Variants in SORCS1 observed in about 807,000 individuals in gnomAD.
The protein encoded by SORCS1 is VPS10 domain-containing receptor SorCS1.
A neutral mutation model predicts 146.1 loss-of-function variants in SORCS1; 60 were observed. The observed-to-expected ratio is 0.41, with a 90% CI of 0.33 to 0.51. The LOEUF is 0.51. Among genes scored for constraint, SORCS1 ranks in the 20% least tolerant of loss-of-function variants. The probability of loss-of-function intolerance (pLI) is 0.21; values close to 1 mark genes in which losing one functional copy is unlikely to be tolerated. For synonymous variants in SORCS1, 637 were observed against 584.0 expected (o/e 1.09, Z -1.31); for missense variants, 1,352 against 1,487.6 (o/e 0.91, Z 1.50).
At chr10:106,580,519 A>G (rs1844841672) in intron 24 of SORCS1, among the ~76,000 whole-genome samples, 1 of 152,142 alleles carries the variant, frequency 6.6e-6, no homozygotes, top group South Asian at 2.1e-4. Context: ...GCTCGTGCAT[A>G]AAAGACAAGC....
chr10:106,635,714 T>C (rs2133624510), intron 18 of SORCS1, among the ~76,000 whole-genome samples: 1 of 152,302 alleles, frequency 6.6e-6, no homozygotes, highest in Non-Finnish European at 1.5e-5. Flanking sequence ...ACATTGGAAA[T>C]AATCAATGTA....
chr10:107,038,112 T>A (rs929018472), intron 1 of SORCS1, among the ~76,000 whole-genome samples: 1 of 152,198 alleles, frequency 6.6e-6, no homozygotes, highest in Non-Finnish European at 1.5e-5. Context: ...CGTGAGCCAC[T>A]GCACCCGGCC....
At chr10:106,798,174 T>A (rs1946674915) in intron 3 of SORCS1, among the ~76,000 whole-genome samples, 1 of 152,200 alleles carries the variant, frequency 6.6e-6, no homozygotes, top group Non-Finnish European at 1.5e-5. Flanking sequence ...TAAGCTCTGT[T>A]CTCTTGTCTG....
chr10:106,677,230 C>T lies in SORCS1; in HGVS notation c.1832+83G>A, dbSNP rs150676643. The T allele has an allele frequency of 1.3e-3, 1,678 of 1,279,362 alleles. 2 individuals carry two copies. The highest frequency in any genetic ancestry group is 2.8e-3 in the Middle Eastern group (15 of 5,270). 79.3% of individuals were successfully genotyped at this position (1,279,362 alleles called of 1,614,324 possible). On this transcript the variant is annotated intron_variant, in intron 13 of 25. Coordinates refer to ENST00000263054, the MANE Select transcript of SORCS1 (RefSeq NM_052918.5). The stretch of plus-strand genomic sequence containing the variant: ...AACAGATTTACTACAGAAACAGACA[C>T]GGTTTGATAGCCTGACTCCTAGACT...
intron 5 of SORCS1, among the ~76,000 whole-genome samples, chr10:106,732,108 A>C (rs781507535): frequency 6.6e-6 from 1 of 152,220 alleles, no homozygotes; most frequent in Non-Finnish European, 1.5e-5. Flanking sequence ...AGTCTCCTTA[A>C]AGCCCTGTTA....
rs1964469412 is a variant in SORCS1 at position 107,095,300 on chromosome 10, GAC to G, written c.558+68667_558+68668del. ...ATCTGTCTCATCTACAGTTGCATCA[GAC>G]ACAGAGTCAATATGAAAGGCCAAGG... is the stretch of plus-strand genomic sequence containing the variant. On this transcript the variant is annotated intron_variant, in intron 1 of 25. Transcript: ENST00000263054. Among the ~76,000 whole-genome samples the G allele has an allele frequency of 2.0e-5, 3 of 152,258 alleles. No homozygotes were observed. In the South Asian group the frequency reaches 6.2e-4, roughly 32 times the overall value.
intron 2 of SORCS1, among the ~76,000 whole-genome samples, chr10:106,948,120 T>C (rs1405906947): frequency 6.6e-6 from 1 of 152,154 alleles, no homozygotes; most frequent in Non-Finnish European, 1.5e-5. Context: ...ATAGTATACT[T>C]CTATTTTCTT....
intron 2 of SORCS1, among the ~76,000 whole-genome samples, chr10:106,837,494 G>T (rs1041973306): frequency 4.2e-4 from 63 of 151,438 alleles, no homozygotes; most frequent in African/African-American, 1.4e-3. Flanking sequence ...AGACAGTACT[G>T]CTTGACACTC....
intron 24 of SORCS1, among the ~76,000 whole-genome samples, chr10:106,589,707 A>C (rs909630866): frequency 1.4e-4 from 22 of 151,758 alleles, no homozygotes; most frequent in African/African-American, 4.8e-4. Context: ...GAAAAAAAAA[A>C]AAAAAAAAAA....
At chr10:107,020,377 T>G (rs1017219059) in intron 1 of SORCS1, among the ~76,000 whole-genome samples, 34 of 152,208 alleles carry the variant, frequency 2.2e-4, no homozygotes, top group African/African-American at 8.0e-4. Context: ...GGAATATCTG[T>G]CCTCTTCAGC....
At chr10:107,141,995 T>C (rs1052250572) in intron 1 of SORCS1, among the ~76,000 whole-genome samples, 4 of 152,208 alleles carry the variant, frequency 2.6e-5, no homozygotes, top group Admixed American at 6.5e-5. Context: ...ATCTCCTTCA[T>C]TCTAAGGAGT....
intron 22 of SORCS1, among the ~76,000 whole-genome samples, chr10:106,608,075 T>C (rs1399616050): frequency 6.6e-6 from 1 of 152,238 alleles, no homozygotes; most frequent in African/African-American, 2.4e-5. Flanking sequence ...TCTCTCTAGA[T>C]GCTTCTAGAA....
At chr10:106,597,882 T>C (rs1845998598) in intron 23 of SORCS1, among the ~76,000 whole-genome samples, 1 of 152,226 alleles carries the variant, frequency 6.6e-6, no homozygotes, top group Non-Finnish European at 1.5e-5. Flanking sequence ...ACTTTATGAA[T>C]ATTTATTGTA....
chr10:107,031,475 T>C (rs956676038), intron 1 of SORCS1, among the ~76,000 whole-genome samples: 2 of 144,256 alleles, frequency 1.4e-5, no homozygotes, highest in Admixed American at 1.3e-4. Flanking sequence ...CAAACCGCCT[T>C]GAATGACTAT....
chr10:107,168,188 C>T (rs773257326), upstream of SORCS1, among the ~76,000 whole-genome samples: 4 of 152,150 alleles, frequency 2.6e-5, no homozygotes, highest in African/African-American at 4.8e-5. Flanking sequence ...TTTGCACATG[C>T]TGTTCCGCCT....
chr10:106,948,173 G>A (rs929348402), intron 2 of SORCS1, among the ~76,000 whole-genome samples: 1 of 151,494 alleles, frequency 6.6e-6, no homozygotes, highest in Non-Finnish European at 1.5e-5. Flanking sequence ...TATATCTGTT[G>A]ACACTTTTTA....
rs150889807 is a variant in SORCS1, at chr10:106,804,467, C to T, written c.726+25107G>A. Among the ~76,000 whole-genome samples the T allele has an allele frequency of 2.1e-3, 314 of 151,672 alleles. 1 individual carries two copies. The highest frequency in any genetic ancestry group is 0.011 in the East Asian group (57 of 5,172). On this transcript the variant is annotated intron_variant, in intron 3 of 25. Transcript: ENST00000263054. ...CGTGGTAAACAGAAGGAAGAAACAT[C>T]GCTTAACCACAACAAAAATTAAAAC...
chr10:106,955,715 G>A (rs549090653), intron 2 of SORCS1, among the ~76,000 whole-genome samples: 4 of 152,312 alleles, frequency 2.6e-5, no homozygotes, highest in South Asian at 4.1e-4. Flanking sequence ...GGCCAGGCGC[G>A]GTGGCTCATG....
At chr10:106,884,768 C>T (rs1589628470) in intron 2 of SORCS1, among the ~76,000 whole-genome samples, 1 of 152,166 alleles carries the variant, frequency 6.6e-6, no homozygotes, top group South Asian at 2.1e-4. Flanking sequence ...TAAAAGAAGA[C>T]TTGAATGTTT....
Sources: allele counts gnomAD v4.1 joint callset (sites outside exome capture counted in the v4.1 genomes callset), GRCh38; gene constraint gnomAD v4.1.1; transcripts MANE v1.5; gene names NCBI Gene and HGNC (gene_info 2026-07-23, HGNC 2026-07-21).